The following ZCWPW2 variants were observed in gnomAD, a reference collection of about 807,000 sequenced individuals.
ZCWPW2 encodes zinc finger CW-type and PWWP domain containing 2, also known as zinc finger CW-type PWWP domain protein 2.
In ZCWPW2, 45 loss-of-function variants were observed where a neutral mutation model predicts 46.6. The observed-to-expected ratio is 0.96, with a 90% CI of 0.76 to 1.24. The LOEUF is 1.24. Ranked by LOEUF, ZCWPW2 falls within the 50% of genes most tolerant of loss-of-function variation. The pLI, the probability that ZCWPW2 is intolerant of heterozygous loss-of-function variation, is 0.00. For missense variants in ZCWPW2, 429 were observed against 403.9 expected, an observed-to-expected ratio of 1.06 and a Z score of -0.53; for synonymous variants, 152 against 137.1, an observed-to-expected ratio of 1.11 and a Z score of -0.76.
intron 6 of ZCWPW2, among the ~76,000 whole-genome samples, chr3:28,513,793 T>C (rs570851170): frequency 6.6e-6 from 1 of 152,190 alleles, no homozygotes; most frequent in South Asian, 2.1e-4. Flanking sequence ...TTTATTACTA[T>C]TTTTATGTGT....
chr3:28,377,285 G>C (rs1014876727), intron 1 of ZCWPW2, among the ~76,000 whole-genome samples: 8 of 151,956 alleles, frequency 5.3e-5, no homozygotes, highest in African/African-American at 1.9e-4. Context: ...ACTTGTGGTA[G>C]AGTCCTTTTC....
chr3:28,375,976 C>CAT (rs34839076), intron 1 of ZCWPW2, among the ~76,000 whole-genome samples: 1 of 152,030 alleles, frequency 6.6e-6, no homozygotes, highest in Admixed American at 6.6e-5. Context: ...GGATCTCATT[C>CAT]TTTTTTTTAT....
chr3:28,352,866 A>T (rs9968098), intron 1 of ZCWPW2, among the ~76,000 whole-genome samples: 31,627 of 151,996 alleles, frequency 0.21, 3,687 homozygotes, highest in Admixed American at 0.28. Flanking sequence ...TTTTTTTATG[A>T]CATGCATTTC....
chr3:28,447,753 G>A (rs1575146122), intron 4 of ZCWPW2: 1 of 674,656 alleles, frequency 1.5e-6, no homozygotes, highest in Non-Finnish European at 2.7e-6. Context: ...TACCATCGTA[G>A]GGTTTCCTAC....
At chr3:28,421,391 G>A (rs905777610) in intron 3 of ZCWPW2, among the ~76,000 whole-genome samples, 19 of 152,122 alleles carry the variant, frequency 1.2e-4, no homozygotes, top group African/African-American at 4.3e-4. Flanking sequence ...ATTATTGCTG[G>A]GTGATTTGCA....
rs778239143 is a variant in ZCWPW2 at position 28,413,318 on chromosome 3, C to T, written c.250C>T (p.Leu84Phe). Residue 84 changes from leucine to phenylalanine, a missense_variant, in exon 3 of 10, where the codon CTT becomes TTT. Physicochemically the swap from Leu to Phe is conservative, Grantham distance 22. Transcript: ENST00000383768. ...SEEDFPEESQLHQCGFKIVYS... is the reference protein window; with the variant it reads ...SEEDFPEESQFHQCGFKIVYS... ...AGAAGACTTCCCTGAAGAGTCTCAG[C>T]TTCATCAGTGTGGATTTAAGATTGT... The T allele has an allele frequency of 3.1e-6, 5 of 1,613,244 alleles. No individual in the cohort carries two copies. The highest frequency in any genetic ancestry group is 3.4e-6 in the Non-Finnish European group (4 of 1,179,462).
intron 7 of ZCWPW2, among the ~76,000 whole-genome samples, chr3:28,515,009 G>A (rs553461634): frequency 1.3e-5 from 2 of 152,232 alleles, no homozygotes; most frequent in East Asian, 1.9e-4. Flanking sequence ...AAATTGTTAG[G>A]AAGTATATTA....
In ZCWPW2 at chr3:28,435,279, A is replaced by G. The variant is rs2125763623; in HGVS notation, c.492+10A>G. 1 of 1,584,424 alleles carries G rather than the reference A, an allele frequency of 6.3e-7. No homozygotes were observed. Among genetic ancestry groups the G allele is most frequent in the South Asian group, 1.2e-5 (1 of 85,150 alleles). On this transcript the variant is annotated intron_variant, in intron 4 of 9. Transcript: ENST00000383768. ...TAGTATCACATTAAAGGTAGGTATCATAACATCAAAACTTTATTCTTCTTG... is the reference window on the plus strand; with the variant it reads ...TAGTATCACATTAAAGGTAGGTATCGTAACATCAAAACTTTATTCTTCTTG...
rs1449483891 is a variant in ZCWPW2 at position 28,484,942 on chromosome 3, T to C, written c.610+6011T>C. ...TTTTATTTTTTTTCTTCTGCTTACTTTGGATTTAGCCTGTTCTTTTTCTTC... is the reference window on the plus strand; with the variant it reads ...TTTTATTTTTTTTCTTCTGCTTACTCTGGATTTAGCCTGTTCTTTTTCTTC... On this transcript the variant is annotated intron_variant, in intron 5 of 9. Transcript: ENST00000383768. Among the ~76,000 whole-genome samples, 8 of 152,140 alleles carry C rather than the reference T, an allele frequency of 5.3e-5. No individual in the cohort carries two copies. In the East Asian group the frequency reaches 1.3e-3, roughly 26 times the overall value.
intron 4 of ZCWPW2, among the ~76,000 whole-genome samples, chr3:28,473,601 T>C (rs541905320): frequency 3.9e-5 from 6 of 152,332 alleles, no homozygotes; most frequent in Middle Eastern, 3.4e-3. Context: ...TGTAGCACTG[T>C]TCACAGTGGC....
At chr3:28,473,208 G>C (rs1322021021) in intron 4 of ZCWPW2, among the ~76,000 whole-genome samples, 8 of 152,170 alleles carry the variant, frequency 5.3e-5, no homozygotes. Context: ...GGGTGCAGTG[G>C]CTCATCCCTA....
At chr3:28,354,087 G>A (rs1056755018) in intron 1 of ZCWPW2, among the ~76,000 whole-genome samples, 1 of 151,988 alleles carries the variant, frequency 6.6e-6, no homozygotes, top group Non-Finnish European at 1.5e-5. Flanking sequence ...GTACAAGGAG[G>A]TAAAACGTAT....
chr3:28,367,156 C>G (rs1244324586), intron 1 of ZCWPW2, among the ~76,000 whole-genome samples: 2 of 152,084 alleles, frequency 1.3e-5, no homozygotes, highest in African/African-American at 4.8e-5. Flanking sequence ...CAGTTCTGCT[C>G]TGATCTTAGT....
At chr3:28,361,411 T>C (rs1326739183) in intron 1 of ZCWPW2, among the ~76,000 whole-genome samples, 1 of 152,052 alleles carries the variant, frequency 6.6e-6, no homozygotes, top group Non-Finnish European at 1.5e-5. Context: ...TGAAAAAATA[T>C]AAGGAATTAA....
intron 4 of ZCWPW2, among the ~76,000 whole-genome samples, chr3:28,449,643 A>G (rs1698146693): frequency 6.6e-6 from 1 of 152,192 alleles, no homozygotes; most frequent in African/African-American, 2.4e-5. Flanking sequence ...AGTAACACCA[A>G]ACTGTACACT....
intron 1 of ZCWPW2, among the ~76,000 whole-genome samples, chr3:28,350,595 C>CACTAAAT (rs1704511727): frequency 4.9e-4 from 75 of 152,148 alleles, no homozygotes; most frequent in African/African-American, 1.4e-3. Context: ...TGTAGAACCC[C>CACTAAAT]TGCTAGATTA....
At chr3:28,516,874 T>C (rs1485847959) in intron 8 of ZCWPW2, among the ~76,000 whole-genome samples, 1 of 150,388 alleles carries the variant, frequency 6.6e-6, no homozygotes, top group Non-Finnish European at 1.5e-5. Context: ...TAACTGGGCA[T>C]GGTGGCACAT....
At chr3:28,435,309 T>A (rs1190622246) in intron 4 of ZCWPW2, 40 bp downstream of exon 4, 1 of 1,541,304 alleles carries the variant, frequency 6.5e-7, no homozygotes, top group East Asian at 2.3e-5. Flanking sequence ...TTCTTGCACT[T>A]ATTTTTAGTT....
chr3:28,365,105 C>T (rs1018781434), intron 1 of ZCWPW2, among the ~76,000 whole-genome samples: 2 of 151,336 alleles, frequency 1.3e-5, no homozygotes, highest in African/African-American at 4.9e-5. Flanking sequence ...GTTGCCTGTT[C>T]ACTCTGATGG....
Sources: gnomAD v4.1 joint callset for allele counts (sites outside exome capture counted in the v4.1 genomes callset) on GRCh38, gnomAD v4.1.1 for gene constraint, MANE v1.5 for transcripts, NCBI Gene and HGNC (gene_info 2026-07-23, HGNC 2026-07-21) for gene names.